Variants in FBXL17 observed in about 807,000 individuals in gnomAD.
FBXL17 encodes F-box and leucine rich repeat protein 17.
A neutral mutation model predicts 66.2 loss-of-function variants in FBXL17; 22 were observed. The observed-to-expected ratio is 0.33, with a 90% CI of 0.24 to 0.47. FBXL17 has a LOEUF of 0.47. Ranked by LOEUF, FBXL17 falls within the 20% of genes least tolerant of loss-of-function variation. FBXL17 has a pLI of 1.00. For missense variants in FBXL17, 878 were observed against 948.2 expected (o/e 0.93, Z 0.97); for synonymous variants, 474 against 400.5 (o/e 1.18, Z -2.19).
chr5:107,996,052 G>C (rs34656087), intron 7 of FBXL17, among the ~76,000 whole-genome samples: 27,098 of 151,886 alleles, frequency 0.18, 6,759 homozygotes, highest in African/African-American at 0.56. Flanking sequence ...TTTATGGTTG[G>C]TTATGACCAA....
intron 6 of FBXL17, among the ~76,000 whole-genome samples, chr5:108,086,421 G>T (rs1235176559): frequency 6.6e-6 from 1 of 152,068 alleles, no homozygotes; most frequent in East Asian, 1.9e-4. Flanking sequence ...TCAAACCTAA[G>T]CATAAAAATA....
intron 6 of FBXL17, among the ~76,000 whole-genome samples, chr5:108,155,987 G>GA (rs1236622477): frequency 1.3e-5 from 2 of 151,868 alleles, no homozygotes; most frequent in Non-Finnish European, 2.9e-5. Context: ...CCTTTTGCTG[G>GA]AAAAAAAGAC....
At chr5:108,316,685 T>C (rs966076537) in intron 4 of FBXL17, among the ~76,000 whole-genome samples, 31 of 151,290 alleles carry the variant, frequency 2.0e-4, no homozygotes, top group Non-Finnish European at 2.8e-4. Context: ...CCTTATGAAA[T>C]AGTCATTTTT....
intron 7 of FBXL17, among the ~76,000 whole-genome samples, chr5:107,989,057 T>A (rs1197294685): frequency 6.6e-6 from 1 of 152,056 alleles, no homozygotes; most frequent in Non-Finnish European, 1.5e-5. Context: ...GACATTTTGA[T>A]ACATACATAC....
At chr5:108,302,564 T>C (rs1358720817) in intron 4 of FBXL17, among the ~76,000 whole-genome samples, 2 of 151,820 alleles carry the variant, frequency 1.3e-5, no homozygotes, top group Non-Finnish European at 2.9e-5. Flanking sequence ...AAATTTCTTC[T>C]AACCAAACAA....
intron 8 of FBXL17, among the ~76,000 whole-genome samples, chr5:107,876,163 C>T (rs909392422): frequency 1.3e-5 from 2 of 152,164 alleles, no homozygotes; most frequent in Non-Finnish European, 2.9e-5. Flanking sequence ...CGGGCCATGG[C>T]AGAGGCGTGG....
intron 4 of FBXL17, among the ~76,000 whole-genome samples, chr5:108,244,815 T>C (rs139663011): frequency 2.0e-5 from 3 of 152,274 alleles, no homozygotes; most frequent in Non-Finnish European, 4.4e-5. Flanking sequence ...GTTAGTAAAA[T>C]ATCAGTAACA....
intron 7 of FBXL17, among the ~76,000 whole-genome samples, chr5:107,997,882 G>T (rs1349857439): frequency 2.6e-5 from 4 of 152,254 alleles, no homozygotes; most frequent in African/African-American, 9.6e-5. Flanking sequence ...TTGCCACAAA[G>T]AAGGAAACTA....
At chr5:108,268,565 G>T in intron 4 of FBXL17, among the ~76,000 whole-genome samples, 1 of 151,738 alleles carries the variant, frequency 6.6e-6, no homozygotes. Flanking sequence ...CTGATAAACT[G>T]TTCAATCAGA....
chr5:108,339,606 G>A (rs1746745481), intron 4 of FBXL17, among the ~76,000 whole-genome samples: 1 of 147,302 alleles, frequency 6.8e-6, no homozygotes, highest in African/African-American at 2.5e-5. Context: ...TTAAACTACA[G>A]ACTATGTATG....
intron 4 of FBXL17, among the ~76,000 whole-genome samples, chr5:108,326,857 CA>C (rs1759880883): frequency 6.6e-6 from 1 of 152,130 alleles, no homozygotes; most frequent in African/African-American, 2.4e-5. Context: ...ATGGAGTTCT[CA>C]AACATTGCTA....
chr5:108,088,233 T>C (rs1749045484), intron 6 of FBXL17, among the ~76,000 whole-genome samples: 1 of 152,198 alleles, frequency 6.6e-6, no homozygotes, highest in Admixed American at 6.6e-5. Context: ...ACTTTGATAA[T>C]AATTTAGGGA....
intron 6 of FBXL17, among the ~76,000 whole-genome samples, chr5:108,163,294 G>T (rs981355540): frequency 6.6e-6 from 1 of 151,464 alleles, no homozygotes; most frequent in Non-Finnish European, 1.5e-5. Context: ...TCCTTTAAAT[G>T]TATTATTGTG....
chr5:108,181,826 G>A (rs887665236), intron 6 of FBXL17, among the ~76,000 whole-genome samples: 2 of 152,134 alleles, frequency 1.3e-5, no homozygotes, highest in East Asian at 3.8e-4. Flanking sequence ...TCAATCGTAT[G>A]TGAATCCCAG....
intron 6 of FBXL17, among the ~76,000 whole-genome samples, chr5:108,052,265 T>C (rs1747515416): frequency 1.3e-5 from 2 of 152,122 alleles, no homozygotes; most frequent in Non-Finnish European, 1.5e-5. Context: ...GGAAGATAAA[T>C]TGTTTTGGTC....
Position 108,035,106 on chromosome 5 carries a change from T to G in FBXL17, c.1746-14105A>C, listed in dbSNP as rs1237425475. ...AAATTTAAAGAAATTGATCTCTCAG[T>G]GTGTAGTTATGTACCTTTATAGTTA... On this transcript the variant is annotated intron_variant, in intron 6 of 8. Coordinates refer to ENST00000542267, the MANE Select transcript of FBXL17 (RefSeq NM_001163315.3). Among the ~76,000 whole-genome samples, 4 of 152,210 alleles carry G rather than the reference T, an allele frequency of 2.6e-5. No individual in the cohort carries two copies. The East Asian group carries it at 7.7e-4, about 29-fold the overall frequency.
intron 6 of FBXL17, among the ~76,000 whole-genome samples, chr5:108,035,937 C>A (rs1196355377): frequency 6.6e-6 from 1 of 152,148 alleles, no homozygotes; most frequent in Non-Finnish European, 1.5e-5. Context: ...AATGAAAATA[C>A]TAAATTGTAC....
At chr5:108,291,389 C>A (rs1435905948) in intron 4 of FBXL17, among the ~76,000 whole-genome samples, 2 of 152,176 alleles carry the variant, frequency 1.3e-5, no homozygotes, top group African/African-American at 4.8e-5. Flanking sequence ...TTCCTTAAAA[C>A]AACTTCACTG....
At chr5:108,095,862 T>C (rs547986274) in intron 6 of FBXL17, among the ~76,000 whole-genome samples, 22 of 152,266 alleles carry the variant, frequency 1.4e-4, no homozygotes, top group Non-Finnish European at 2.9e-4. Context: ...TAAGAAAAAC[T>C]GATAAATCAA....
Sources: gnomAD v4.1 joint callset for allele counts (sites outside exome capture counted in the v4.1 genomes callset) on GRCh38, gnomAD v4.1.1 for gene constraint, MANE v1.5 for transcripts, NCBI Gene and HGNC (gene_info 2026-07-23, HGNC 2026-07-21) for gene names.